KCTD16: variants seen among roughly 807,000 people sequenced by gnomAD.
The protein encoded by KCTD16 is potassium channel tetramerization domain containing 16.
A neutral mutation model predicts 33.2 loss-of-function variants in KCTD16; 13 were observed. That is an observed-to-expected ratio of 0.39 (90% CI 0.25 to 0.62). KCTD16 has a LOEUF of 0.62. Ranked by LOEUF, KCTD16 falls within the 20% of genes least tolerant of loss-of-function variation. The pLI, the probability that KCTD16 is intolerant of heterozygous loss-of-function variation, is 0.50. For missense variants in KCTD16, 441 were observed against 525.1 expected, an observed-to-expected ratio of 0.84 and a Z score of 1.57; for synonymous variants, 197 against 195.3, an observed-to-expected ratio of 1.01 and a Z score of -0.07.
chr5:144,430,116 G>A (rs116358627), intron 3 of KCTD16, among the ~76,000 whole-genome samples: 3,931 of 152,162 alleles, frequency 0.026, 82 homozygotes, highest in Non-Finnish European at 0.038. Context: ...CATCGTACCT[G>A]TGTAAGCCCT....
chr5:144,323,343 T>C (rs1401046164), intron 3 of KCTD16, among the ~76,000 whole-genome samples: 4 of 152,150 alleles, frequency 2.6e-5, no homozygotes, highest in Non-Finnish European at 5.9e-5. Context: ...AAGAAACAGA[T>C]GCCAAAACAG....
intron 3 of KCTD16, among the ~76,000 whole-genome samples, chr5:144,404,246 G>T (rs966505307): frequency 2.4e-4 from 36 of 152,218 alleles, no homozygotes; most frequent in Admixed American, 1.8e-3. Flanking sequence ...AAAATGACAT[G>T]CTATTCCCTA....
At chr5:144,324,880 AAC>A (rs1476765783) in intron 3 of KCTD16, among the ~76,000 whole-genome samples, 1 of 152,214 alleles carries the variant, frequency 6.6e-6, no homozygotes, top group Non-Finnish European at 1.5e-5. Flanking sequence ...GAATAATGAT[AAC>A]ACATGGACAC....
chr5:144,197,336 C>T (rs1481029101), intron 2 of KCTD16, among the ~76,000 whole-genome samples: 1 of 152,090 alleles, frequency 6.6e-6, no homozygotes, highest in Non-Finnish European at 1.5e-5. Flanking sequence ...AGGGTCAGTT[C>T]TCTGATGCTC....
intron 3 of KCTD16, among the ~76,000 whole-genome samples, chr5:144,265,602 T>G (rs1012248427): frequency 1.3e-5 from 2 of 152,230 alleles, no homozygotes; most frequent in African/African-American, 4.8e-5. Context: ...ATTCACGAAG[T>G]TGGCTGTATC....
At chr5:144,219,512 C>CATTTTTT in intron 3 of KCTD16, among the ~76,000 whole-genome samples, 1 of 94,784 alleles carries the variant, frequency 1.1e-5, no homozygotes, top group Non-Finnish European at 2.3e-5. Context: ...CTGTGCTGGG[C>CATTTTTT]CTTTTTTTTT....
At chr5:144,242,019 T>C (rs910233781) in intron 3 of KCTD16, among the ~76,000 whole-genome samples, 1 of 152,212 alleles carries the variant, frequency 6.6e-6, no homozygotes, top group Non-Finnish European at 1.5e-5. Context: ...TCACTTTCTC[T>C]GAAAGTTGTT....
At chr5:144,427,116 G>A (rs1753349611) in intron 3 of KCTD16, among the ~76,000 whole-genome samples, 1 of 152,046 alleles carries the variant, frequency 6.6e-6, no homozygotes, top group Non-Finnish European at 1.5e-5. Context: ...GAGTATGATT[G>A]GTAGCAGAGG....
intron 3 of KCTD16, among the ~76,000 whole-genome samples, chr5:144,263,317 C>T (rs1305352118): frequency 1.2e-4 from 19 of 152,108 alleles, no homozygotes; most frequent in Non-Finnish European, 2.4e-4. Flanking sequence ...TTCACATTTT[C>T]GTAACTAAAT....
intron 3 of KCTD16, among the ~76,000 whole-genome samples, chr5:144,462,527 A>G (rs1754220825): frequency 1.2e-5 from 1 of 85,608 alleles, no homozygotes; most frequent in Non-Finnish European, 2.4e-5. Flanking sequence ...CAGCCATCAG[A>G]GCTATTATTT....
Position 144,330,591 on chromosome 5 carries a change from C to T in KCTD16, c.832+123045C>T, listed in dbSNP as rs1204737104. Among the ~76,000 whole-genome samples the T allele has an allele frequency of 5.9e-5, 9 of 152,052 alleles. No homozygotes were observed. In the South Asian group the frequency reaches 1.9e-3, roughly 32 times the overall value. On this transcript the variant is annotated intron_variant, in intron 3 of 3. Transcript: ENST00000512467. ...ACAAATGAGTAACATTTAATTCCTA[C>T]TTCTTAAATACAATAATAATAATAC...
intron 3 of KCTD16, among the ~76,000 whole-genome samples, chr5:144,278,623 G>A (rs1396804680): frequency 6.7e-6 from 1 of 149,444 alleles, no homozygotes; most frequent in East Asian, 2.0e-4. Flanking sequence ...TCAGCCTCCC[G>A]AGTAGCTGGG....
intron 3 of KCTD16, among the ~76,000 whole-genome samples, chr5:144,245,485 A>G (rs1205185856): frequency 6.6e-6 from 1 of 152,202 alleles, no homozygotes; most frequent in African/African-American, 2.4e-5. Context: ...GGGAGGAAGA[A>G]GAATGACATG....
Position 144,403,442 on chromosome 5 carries a change from C to G in KCTD16, c.833-70218C>G, listed in dbSNP as rs1301015283. On this transcript the variant is annotated intron_variant, in intron 3 of 3. Coordinates refer to ENST00000512467, the MANE Select transcript of KCTD16 (RefSeq NM_020768.4). Reference sequence around the variant, plus strand: ...ATAGACAGAAGCGACACACAGAGAGCAGCATGTGACAACAGAGCAAGAGAT... The same window carrying G: ...ATAGACAGAAGCGACACACAGAGAGGAGCATGTGACAACAGAGCAAGAGAT... 2.0e-5 allele frequency among the ~76,000 whole-genome samples: 3 copies of G among 151,896 alleles called. No homozygotes were observed. In the East Asian group the frequency reaches 5.8e-4, roughly 29 times the overall value.
chr5:144,295,647 CTG>C (rs1157276325), intron 3 of KCTD16, among the ~76,000 whole-genome samples: 1 of 152,148 alleles, frequency 6.6e-6, no homozygotes, highest in African/African-American at 2.4e-5. Flanking sequence ...TCCCTGGAAT[CTG>C]TGAATATATT....
chr5:144,243,183 G>A (rs1754450311), intron 3 of KCTD16, among the ~76,000 whole-genome samples: 1 of 152,154 alleles, frequency 6.6e-6, no homozygotes, highest in African/African-American at 2.4e-5. Context: ...CATTATTAAT[G>A]TGACTTATTA....
At chr5:144,429,409 A>G (rs1435542033) in intron 3 of KCTD16, among the ~76,000 whole-genome samples, 1 of 152,142 alleles carries the variant, frequency 6.6e-6, no homozygotes, top group African/African-American at 2.4e-5. Flanking sequence ...AGCAGCAGAG[A>G]ACATGACCTC....
At chr5:144,410,746 G>A (rs980337596) in intron 3 of KCTD16, among the ~76,000 whole-genome samples, 3 of 152,160 alleles carry the variant, frequency 2.0e-5, no homozygotes, top group Non-Finnish European at 4.4e-5. Context: ...TAGCATTTCA[G>A]ATATATATAT....
intron 2 of KCTD16, among the ~76,000 whole-genome samples, chr5:144,198,705 A>G (rs1752982356): frequency 6.6e-6 from 1 of 152,170 alleles, no homozygotes; most frequent in African/African-American, 2.4e-5. Context: ...TCTTCTATTC[A>G]TCATCCTTTG....
Sources: gnomAD v4.1 joint callset for allele counts (sites outside exome capture counted in the v4.1 genomes callset) on GRCh38, gnomAD v4.1.1 for gene constraint, MANE v1.5 for transcripts, NCBI Gene and HGNC (gene_info 2026-07-23, HGNC 2026-07-21) for gene names.